PIEZO2: variants seen among roughly 807,000 people sequenced by gnomAD.
PIEZO2 encodes piezo-type mechanosensitive ion channel component 2.
PIEZO2 carries 172 observed loss-of-function variants against 337.3 expected under a neutral mutation model. The observed-to-expected ratio is 0.51, with a 90% CI of 0.45 to 0.58. PIEZO2 has a LOEUF of 0.58. Among genes scored for constraint, PIEZO2 ranks in the 20% least tolerant of loss-of-function variants. PIEZO2 has a pLI of 0.00. For synonymous variants in PIEZO2, 1,251 were observed against 1,228.5 expected (o/e 1.02, Z -0.38); for missense variants, 3,028 against 3,391.3 (o/e 0.89, Z 2.66).
rs2038675775 is a variant in PIEZO2 at position 10,773,470 on chromosome 18, C to T, written c.2727G>A (p.Glu909=). The T allele has an allele frequency of 6.5e-7, 1 of 1,537,326 alleles. No individual in the cohort carries two copies. Among genetic ancestry groups the T allele is most frequent in the Non-Finnish European group, 8.7e-7 (1 of 1,146,966 alleles). The change falls in exon 20 of 56, where the codon GAG becomes GAA. Residue 909 remains glutamate (E), a synonymous_variant. Coordinates refer to ENST00000674853, the MANE Select transcript of PIEZO2 (RefSeq NM_001378183.1). The surrounding 1 kb of genome is among the most constrained non-coding windows in gnomAD (Gnocchi z 5.3). ...CTTCCTCTCCGTCCTCCTCTGACTCCTCGCTGTCTTTCCCAAGATCACCCT... is the reference window on the plus strand; with the variant it reads ...CTTCCTCTCCGTCCTCCTCTGACTCTTCGCTGTCTTTCCCAAGATCACCCT... ...AQKGDLGKDS[E]ESEEDGEEEE...
rs1268861510 is a variant in PIEZO2, at chr18:10,828,774, C to T, written c.918-21500G>A. On this transcript the variant is annotated intron_variant, in intron 7 of 55. Coordinates refer to ENST00000674853, the MANE Select transcript of PIEZO2 (RefSeq NM_001378183.1). The surrounding 1 kb of genome is among the most constrained non-coding windows in gnomAD (Gnocchi z 4.1). ...CATTTCCCTTCCTTACTAGCTAATG[C>T]CCAGAGCTCCATCTCACCCCATCAC... Among the ~76,000 whole-genome samples, 2 of 152,162 alleles carry T rather than the reference C, an allele frequency of 1.3e-5. No homozygotes were observed. Among genetic ancestry groups the T allele is most frequent in the Non-Finnish European group, 2.9e-5 (2 of 68,026 alleles).
At chr18:11,060,760 A>T (rs2145894180) in intron 2 of PIEZO2, among the ~76,000 whole-genome samples, 1 of 152,360 alleles carries the variant, frequency 6.6e-6, no homozygotes, top group Non-Finnish European at 1.5e-5. Context: ...TTGAGGCAAT[A>T]ATTAATAGCT....
intron 2 of PIEZO2, among the ~76,000 whole-genome samples, chr18:11,061,561 C>G (rs1010870152): frequency 3.9e-5 from 6 of 152,180 alleles, no homozygotes; most frequent in Admixed American, 3.9e-4. Context: ...AGCAAAGTCT[C>G]AGGATACAAA....
At position 10,794,841 on chromosome 18, in the gene PIEZO2, A is replaced by G; in HGVS notation, c.1689T>C (p.Phe563=). The change falls in exon 13 of 56, where the codon TTT becomes TTC. Residue 563 remains phenylalanine (F), a synonymous_variant. Coordinates refer to ENST00000674853, the MANE Select transcript of PIEZO2 (RefSeq NM_001378183.1). The surrounding 1 kb of genome is among the most constrained non-coding windows in gnomAD (Gnocchi z 6.6). ...LLLILQYIWS[F]ELPEIKKVPG... ...GAACTTTTTTAATTTCAGGAAGTTC[A>G]AAACTCCATATATACTGTAATATCA... 1 of 1,537,082 alleles carries G rather than the reference A, an allele frequency of 6.5e-7. No homozygotes were observed. The highest frequency in any genetic ancestry group is 8.7e-7 in the Non-Finnish European group (1 of 1,146,796).
chr18:11,085,717 C>T (rs1045279439), intron 1 of PIEZO2, among the ~76,000 whole-genome samples: 1 of 151,760 alleles, frequency 6.6e-6, no homozygotes, highest in Non-Finnish European at 1.5e-5. Flanking sequence ...ATTTCCTAGA[C>T]GTTAACTGGA....
chr18:10,959,589 C>T (rs1044933367), intron 3 of PIEZO2, among the ~76,000 whole-genome samples: 1 of 152,074 alleles, frequency 6.6e-6, no homozygotes, highest in Non-Finnish European at 1.5e-5. Context: ...CTCAGTATTG[C>T]GTATGTATGC....
chr18:10,822,707 T>C (rs1354810982), intron 7 of PIEZO2, among the ~76,000 whole-genome samples: 1 of 152,166 alleles, frequency 6.6e-6, no homozygotes, highest in Non-Finnish European at 1.5e-5. Flanking sequence ...TCCTGTTAGA[T>C]GTTATCAATG....
chr18:11,140,987 G>C (rs1339713419), intron 1 of PIEZO2, among the ~76,000 whole-genome samples: 1 of 152,184 alleles, frequency 6.6e-6, no homozygotes, highest in Non-Finnish European at 1.5e-5. Context: ...GACCCATGCA[G>C]ATGAGTGCAA....
At chr18:11,136,600 T>C (rs890582221) in intron 1 of PIEZO2, among the ~76,000 whole-genome samples, 3 of 152,246 alleles carry the variant, frequency 2.0e-5, no homozygotes, top group African/African-American at 7.2e-5. Flanking sequence ...CAAGCTCTAA[T>C]ATTTAGTTTG....
intron 43 of PIEZO2, chr18:10,701,784 T>C: frequency 6.8e-6 from 3 of 438,790 alleles, no homozygotes; most frequent in Non-Finnish European, 7.8e-6. Flanking sequence ...GCACCACAAG[T>C]GTTGGAAAAA....
rs1437921891 is a variant in PIEZO2 at position 10,672,862 on chromosome 18, T to C, written c.8173A>G (p.Met2725Val). 2 of 1,598,548 alleles carry C rather than the reference T, an allele frequency of 1.3e-6. No homozygotes were observed. Among genetic ancestry groups the C allele is most frequent in the Non-Finnish European group, 1.7e-6 (2 of 1,174,088 alleles). Reference protein sequence around the residue: ...IKQLLSENNFMDITIILSRDN... With the variant: ...IKQLLSENNFVDITIILSRDN... ...CTGGACAAAATGATGGTAATATCCATGAAATTATTTTCTAGAAGGGTAGAA... is the reference window on the plus strand; with the variant it reads ...CTGGACAAAATGATGGTAATATCCACGAAATTATTTTCTAGAAGGGTAGAA... The change falls in exon 55 of 56, where the codon ATG becomes GTG. Residue 2725 changes from methionine to valine, a missense_variant. Around this residue, in one of 5 missense-constraint regions of PIEZO2, gnomAD observed 332 missense variants for 363.8 expected, o/e 0.91. Transcript: ENST00000674853. The surrounding 1 kb of genome is among the most constrained non-coding windows in gnomAD (Gnocchi z 4.7).
At position 10,950,212 on chromosome 18, in the gene PIEZO2, T is replaced by C. The variant is rs114099209; in HGVS notation, c.286+29323A>G. ...CATAGATAAGCCCACTTTTTTCATT[T>C]GCAAATTAGTATGCTCTATGTAACG... On this transcript the variant is annotated intron_variant, in intron 3 of 55. Transcript: ENST00000674853. 6.8e-3 allele frequency among the ~76,000 whole-genome samples: 1,041 copies of C among 152,318 alleles called. 23 individuals carry two copies. Among genetic ancestry groups the C allele is most frequent in the African/African-American group, 0.024 (980 of 41,582 alleles).
chr18:10,971,902 A>G (rs904162667), intron 3 of PIEZO2, among the ~76,000 whole-genome samples: 5 of 152,192 alleles, frequency 3.3e-5, no homozygotes, highest in Admixed American at 3.3e-4. Context: ...ACTAATGAGC[A>G]GCCTAAGGCG....
At position 10,969,196 on chromosome 18, in the gene PIEZO2, G is replaced by A. The variant is rs1255296671; in HGVS notation, c.286+10339C>T. ...TTACATTGTTCGTCTATAATTTTGA[G>A]GTTGAGTTTACTTCCATACCACACG... is the stretch of plus-strand genomic sequence containing the variant. On this transcript the variant is annotated intron_variant, in intron 3 of 55. Coordinates refer to ENST00000674853, the MANE Select transcript of PIEZO2 (RefSeq NM_001378183.1). The surrounding 1 kb of genome is among the most constrained non-coding windows in gnomAD (Gnocchi z 4.5). Among the ~76,000 whole-genome samples, 3 of 152,176 alleles carry A rather than the reference G, an allele frequency of 2.0e-5. 1 individual carries two copies. The highest frequency in any genetic ancestry group is 2.0e-4 in the Admixed American group (3 of 15,284).
At chr18:10,743,712 A>T (rs1311267561) in intron 31 of PIEZO2, among the ~76,000 whole-genome samples, 1 of 152,224 alleles carries the variant, frequency 6.6e-6, no homozygotes, top group African/African-American at 2.4e-5. Flanking sequence ...AGATGTAATG[A>T]ATGCTTATAT....
At chr18:10,780,990 T>C (rs2038961476) in intron 17 of PIEZO2, among the ~76,000 whole-genome samples, 1 of 151,488 alleles carries the variant, frequency 6.6e-6, no homozygotes, top group South Asian at 2.1e-4. Context: ...AAATAAAATA[T>C]AATTTAAAAA....
chr18:11,079,878 C>T, intron 1 of PIEZO2, among the ~76,000 whole-genome samples: 1 of 152,188 alleles, frequency 6.6e-6, no homozygotes, highest in South Asian at 2.1e-4. Context: ...GCAACAGTTA[C>T]AAAGAATGAC....
At position 11,080,385 on chromosome 18, in the gene PIEZO2, A is replaced by G. The variant is rs1051715679; in HGVS notation, c.65-14163T>C. Among the ~76,000 whole-genome samples, 2 of 152,226 alleles carry G rather than the reference A, an allele frequency of 1.3e-5. No individual in the cohort carries two copies. Among genetic ancestry groups the G allele is most frequent in the African/African-American group, 4.8e-5 (2 of 41,450 alleles). On this transcript the variant is annotated intron_variant, in intron 1 of 55. Transcript: ENST00000674853. This position sits in a 1 kb window ranked among gnomAD's most constrained non-coding sequence, Gnocchi z 5.4. ...ACATATGGCCTTGTAGAATTTCACC[A>G]TCTATACATGCTACTTCCTTGATTA...
rs2033789628 is a variant in PIEZO2, at chr18:10,671,787, A to C, written c.8346-8T>G. On this transcript the variant is annotated splice_polypyrimidine_tract_variant and splice_region_variant and intron_variant, in intron 55 of 55. Transcript: ENST00000674853. ...GCATATAATCCCATAATACTGAAAA[A>C]AACAGTAAGTAGAAATTGCATACAG... The C allele has an allele frequency of 6.3e-7, 1 of 1,596,598 alleles. No individual in the cohort carries two copies.
Sources: gnomAD v4.1 joint callset for allele counts (sites outside exome capture counted in the v4.1 genomes callset) on GRCh38, gnomAD v4.1.1 for gene constraint, gnomAD v4.1.1 regional missense constraint, Gnocchi (gnomAD v3.1) non-coding constraint, MANE v1.5 for transcripts, NCBI Gene and HGNC (gene_info 2026-07-23, HGNC 2026-07-21) for gene names.